The following METTL16 variants were observed in gnomAD, a reference collection of about 807,000 sequenced individuals.
METTL16 encodes the protein methyltransferase 16, RNA N6-adenosine, also known as RNA N(6)-adenosine-methyltransferase METTL16.
METTL16 carries 19 observed loss-of-function variants against 57.9 expected under a neutral mutation model. The ratio of observed to expected loss-of-function variants is 0.33; its 90% CI spans 0.23 to 0.48. The LOEUF (loss-of-function observed/expected upper bound fraction) is 0.48. Among genes scored for constraint, METTL16 ranks in the 20% least tolerant of loss-of-function variants. METTL16 has a pLI of 0.99. For missense variants in METTL16, 434 were observed against 691.5 expected (o/e 0.63, Z 4.18); for synonymous variants, 246 against 255.6 (o/e 0.96, Z 0.36).
chr17:2,492,714 AC>A (rs2067407858), intron 2 of METTL16, among the ~76,000 whole-genome samples: 1 of 151,750 alleles, frequency 6.6e-6, no homozygotes, highest in African/African-American at 2.4e-5. Flanking sequence ...ACATGGTGAA[AC>A]CCCGTCTCTA....
chr17:2,420,309 G>A lies in METTL16; in HGVS notation c.1350C>T (p.Ser450=), dbSNP rs201238523. The part of the protein sequence containing the change: ...EAAAVEGPCP[S]QESLSQEENP... ...TTTCCTCCTGGGACAGGGACTCCTG[G>A]CTCGGGCACGGGCCCTCCACAGCGG... The change falls in exon 10 of 10, where the codon AGC becomes AGT. Residue 450 remains serine (S), a synonymous_variant. Coordinates refer to ENST00000263092, the MANE Select transcript of METTL16 (RefSeq NM_024086.4). The surrounding 1 kb of genome is among the most constrained non-coding windows in gnomAD (Gnocchi z 5.4). 3.7e-5 allele frequency: 59 copies of A among 1,612,248 alleles called. No individual in the cohort carries two copies. In the African/African-American group the frequency reaches 7.6e-4, roughly 21 times the overall value.
intron 2 of METTL16, 30 bp from the exon 3 acceptor site, chr17:2,477,915 G>A (rs1194996655): frequency 1.3e-6 from 2 of 1,565,562 alleles, no homozygotes; most frequent in African/African-American, 1.4e-5. Context: ...AAGTAAAACT[G>A]ATTAGTAAGA....
In METTL16 at chr17:2,477,704, G is replaced by A. The variant is rs906402206; in HGVS notation, c.310C>T (p.Arg104Ter). ...GHQDSDKSTLRRGIDIGTGAS... is the reference protein window; with the variant it reads ...GHQDSDKSTL ...GATATACCTATGTCAATTCCTCTTCGGAGAGTACTTTTGTCAGAATCCTGG... is the reference window on the plus strand; with the variant it reads ...GATATACCTATGTCAATTCCTCTTCAGAGAGTACTTTTGTCAGAATCCTGG... Residue 104 changes from arginine to a stop codon, truncating the protein, a stop_gained, in exon 3 of 10, where the codon CGA (arginine) becomes TGA (stop). Coordinates refer to ENST00000263092, the MANE Select transcript of METTL16 (RefSeq NM_024086.4). LOFTEE classifies it high-confidence loss of function. The A allele has an allele frequency of 1.9e-6, 3 of 1,613,058 alleles. No homozygotes were observed. The highest frequency in any genetic ancestry group is 2.5e-6 in the Non-Finnish European group (3 of 1,179,068).
intron 8 of METTL16, among the ~76,000 whole-genome samples, chr17:2,431,555 T>C (rs1172023575): frequency 6.6e-6 from 1 of 152,152 alleles, no homozygotes; most frequent in African/African-American, 2.4e-5. Context: ...CCTAAAGATA[T>C]GTTCTCCTGA....
At chr17:2,507,645 A>G (rs2067555341) in intron 1 of METTL16, among the ~76,000 whole-genome samples, 1 of 152,160 alleles carries the variant, frequency 6.6e-6, no homozygotes, top group Admixed American at 6.5e-5. Context: ...GCTCATTGAG[A>G]ATGGGCCATG....
chr17:2,427,096 A>G (rs1019376972), intron 8 of METTL16, among the ~76,000 whole-genome samples: 5 of 152,214 alleles, frequency 3.3e-5, no homozygotes, highest in Non-Finnish European at 7.3e-5. Flanking sequence ...CAGTGAGCCG[A>G]CATCGTGCCA....
At chr17:2,487,157 A>G (rs975786516) in intron 2 of METTL16, among the ~76,000 whole-genome samples, 1 of 152,218 alleles carries the variant, frequency 6.6e-6, no homozygotes, top group Non-Finnish European at 1.5e-5. Flanking sequence ...TGTGTTTCAC[A>G]TGAGTCTCCC....
At chr17:2,436,776 T>TCACTGCCTCTCAG (rs113712301) in intron 8 of METTL16, 41,904 of 152,028 alleles carry the variant, frequency 0.28, 9,772 homozygotes, top group African/African-American at 0.64. Flanking sequence ...TGCTGTTCTG[T>TCACTGCCTCTCAG]CACTGCCCGG....
At chr17:2,485,371 C>A (rs76857516) in intron 2 of METTL16, among the ~76,000 whole-genome samples, 1 of 152,040 alleles carries the variant, frequency 6.6e-6, no homozygotes, top group African/African-American at 2.4e-5. Flanking sequence ...AATAATACAA[C>A]GTAATAAATG....
Position 2,428,598 on chromosome 17 carries a change from TA to T in METTL16, c.889-7695del, listed in dbSNP as rs1567881717. ...ATATATATATATATATATATATATA[TA>T]TATAAATTGTAATACAGCGGGGCAC... On this transcript the variant is annotated intron_variant, in intron 8 of 9. Coordinates refer to ENST00000263092, the MANE Select transcript of METTL16 (RefSeq NM_024086.4). 1.3e-3 allele frequency among the ~76,000 whole-genome samples: 27 copies of T among 21,096 alleles called. 2 individuals carry two copies. Among genetic ancestry groups the T allele is most frequent in the African/African-American group, 2.3e-3 (9 of 3,952 alleles). 13.8% of individuals were successfully genotyped at this position (21,096 alleles called of 152,430 possible). A position where few individuals can be genotyped will look rare whatever the true frequency, so the allele number is the denominator to read the frequency against.
chr17:2,496,459 C>A (rs1281541861), intron 2 of METTL16, among the ~76,000 whole-genome samples: 2 of 151,498 alleles, frequency 1.3e-5, no homozygotes, highest in African/African-American at 4.9e-5. Flanking sequence ...CCACTATACC[C>A]TGTCAAACAT....
intron 2 of METTL16, among the ~76,000 whole-genome samples, chr17:2,494,726 G>A (rs1026920881): frequency 4.0e-5 from 6 of 151,888 alleles, no homozygotes; most frequent in South Asian, 2.1e-4. Flanking sequence ...AAGGCCGGGC[G>A]TGGTTGCTCA....
chr17:2,434,371 C>T (rs1003666131), intron 8 of METTL16, among the ~76,000 whole-genome samples: 1 of 152,118 alleles, frequency 6.6e-6, no homozygotes, highest in African/African-American at 2.4e-5. Context: ...TGCACCACCA[C>T]GCCCAGCTAA....
chr17:2,471,439 G>A (rs1158112666), intron 4 of METTL16, among the ~76,000 whole-genome samples: 1 of 152,168 alleles, frequency 6.6e-6, no homozygotes, highest in Non-Finnish European at 1.5e-5. Context: ...CCAGCATGCT[G>A]AGATTACAGC....
chr17:2,479,855 T>C (rs1160737625), intron 2 of METTL16, among the ~76,000 whole-genome samples: 1 of 152,020 alleles, frequency 6.6e-6, no homozygotes, highest in Non-Finnish European at 1.5e-5. Context: ...TGGACGTAAG[T>C]CACTTCAGTT....
intron 8 of METTL16, among the ~76,000 whole-genome samples, chr17:2,429,606 AATTGGAATATCATT>A: frequency 6.6e-6 from 1 of 151,800 alleles, no homozygotes; most frequent in African/African-American, 2.4e-5. Flanking sequence ...GGACGAATAG[AATTGGAATATCATT>A]ATTTGCAACT....
chr17:2,452,066 G>C (rs180763957), intron 6 of METTL16, among the ~76,000 whole-genome samples: 80 of 151,154 alleles, frequency 5.3e-4, no homozygotes, highest in Non-Finnish European at 4.1e-4. Context: ...GAGCCTGGGA[G>C]GTCAGGGCTG....
intron 2 of METTL16, among the ~76,000 whole-genome samples, chr17:2,481,513 G>C (rs1438826034): frequency 6.6e-6 from 1 of 151,958 alleles, no homozygotes; most frequent in Non-Finnish European, 1.5e-5. Flanking sequence ...AGGAAGGAGA[G>C]AGTGGCCATG....
chr17:2,510,072 C>CA (rs912033384), intron 1 of METTL16, among the ~76,000 whole-genome samples: 245 of 115,322 alleles, frequency 2.1e-3, no homozygotes, highest in South Asian at 5.8e-3. Context: ...GAAACTGTCT[C>CA]AAAAAAAAAA....
Sources: gnomAD v4.1 joint callset for allele counts (sites outside exome capture counted in the v4.1 genomes callset) on GRCh38, gnomAD v4.1.1 for gene constraint, Gnocchi (gnomAD v3.1) non-coding constraint, MANE v1.5 for transcripts, NCBI Gene and HGNC (gene_info 2026-07-23, HGNC 2026-07-21) for gene names.